The following MYH7B variants were observed in gnomAD, a reference collection of about 807,000 sequenced individuals.
MYH7B encodes myosin heavy chain 7B, also known as myosin-7B.
In MYH7B, 205 loss-of-function variants were observed where a neutral mutation model predicts 234.5. That is an observed-to-expected ratio of 0.87 (90% CI 0.78 to 0.98). The LOEUF is 0.98. Ranked by LOEUF, MYH7B falls within the 50% of genes least tolerant of loss-of-function variation. MYH7B has a pLI of 0.00. For missense variants in MYH7B, 2,652 were observed against 2,633.4 expected, an observed-to-expected ratio of 1.01 and a Z score of -0.15; for synonymous variants, 1,193 against 1,105.0, an observed-to-expected ratio of 1.08 and a Z score of -1.58.
At chr20:34,987,178 G>C (rs772940020) in exon 16 of MYH7B, 1 of 1,613,276 alleles carries the variant, frequency 6.2e-7, no homozygotes, top group Non-Finnish European at 8.5e-7. Context: ...GCTTCAGCGT[G>C]GATGAGAAAT....
chr20:34,995,440 T>C lies in MYH7B; in HGVS notation c.2805T>C (p.Asp935=), dbSNP rs199991074. Residue 935 remains aspartate (D), a synonymous_variant, in exon 28 of 45, where the codon GAT becomes GAC. Transcript: ENST00000262873. ...AGGAGCTGAGTGAGCGGCTGGAGGA[T>C]GAGGAGGAGGTGAACGCTGACCTGG... 3.1e-6 allele frequency: 5 copies of C among 1,613,322 alleles called. No homozygotes were observed. The African/African-American group carries it at 5.3e-5, about 17-fold the overall frequency.
At chr20:34,973,132 A>T (rs1217792053) in intron 2 of MYH7B, among the ~76,000 whole-genome samples, 5 of 152,152 alleles carry the variant, frequency 3.3e-5, no homozygotes, top group African/African-American at 1.2e-4. Context: ...TTCACACTCC[A>T]GTCCCAACTG....
At chr20:34,985,173 G>A in intron 13 of MYH7B, 44 bp downstream of exon 13, 1 of 1,591,776 alleles carries the variant, frequency 6.3e-7, no homozygotes, top group Non-Finnish European at 8.6e-7. Context: ...GGAGGCCTGA[G>A]CCCGGTCACC....
At chr20:34,997,297 C>G (rs1437073420) in exon 32 of MYH7B, 8 of 1,554,302 alleles carry the variant, frequency 5.1e-6, no homozygotes, top group Non-Finnish European at 7.0e-6. Flanking sequence ...GAGCGGGCAG[C>G]CCGGGCCCGC....
At chr20:35,000,735 G>A (rs1180384220) in intron 39 of MYH7B, 33 bp from the exon 40 acceptor site, 1 of 1,606,206 alleles carries the variant, frequency 6.2e-7, no homozygotes, top group African/African-American at 1.3e-5. Context: ...AGGCCTGCTG[G>A]CTGGCTGGCT....
At position 34,987,657 on chromosome 20, in the gene MYH7B, G is replaced by C. The variant is rs757932346; in HGVS notation, c.1248G>C (p.Lys416Asn). The change falls in exon 17 of 45, where the codon AAG (lysine) becomes AAC (asparagine). Residue 416 changes from lysine (K) to asparagine (N), a missense_variant. Physicochemically the swap from Lys to Asn is moderately conservative, Grantham distance 94. This residue lies in a region of MYH7B where 2,279 missense variants were observed against 2,211.4 expected (regional missense o/e 1.03). Transcript: ENST00000262873. The stretch of plus-strand genomic sequence containing the variant: ...GTGTAGGGAACGAGTACGTGACCAA[G>C]GGCCAGAGTGTGGAGCAGGTGAGCT... The C allele has an allele frequency of 2.2e-5, 35 of 1,613,586 alleles. No individual in the cohort carries two copies. The highest frequency in any genetic ancestry group is 1.3e-4 in the Admixed American group (8 of 59,986).
At chr20:34,996,351 G>C (rs1430609936) in exon 29 of MYH7B, 3 of 1,587,018 alleles carry the variant, frequency 1.9e-6, no homozygotes, top group Non-Finnish European at 2.6e-6. Context: ...CACAGGTGAA[G>C]AACCTGACGG....
intron 1 of MYH7B, among the ~76,000 whole-genome samples, chr20:34,957,572 C>T (rs2081653423): frequency 6.8e-6 from 1 of 147,514 alleles, no homozygotes; most frequent in South Asian, 2.1e-4. Context: ...TCACTGCAAC[C>T]TCCACTTCCC....
rs761662255 is a variant in MYH7B at position 34,987,689 on chromosome 20, AG to A, written c.1266+16del. On this transcript the variant is annotated intron_variant, in intron 17 of 44. Transcript: ENST00000262873. ...AGTGTGGAGCAGGTGAGCTGCCTGCAGGCCAAACCCATGGGGGACAGCCGGG... is the reference window on the plus strand; with the variant it reads ...AGTGTGGAGCAGGTGAGCTGCCTGCAGCCAAACCCATGGGGGACAGCCGGG... 3.7e-6 allele frequency: 6 copies of A among 1,611,990 alleles called. No homozygotes were observed. In the East Asian group the frequency reaches 1.3e-4, roughly 36 times the overall value.
At chr20:34,969,217 A>G (rs2081770402) in intron 2 of MYH7B, among the ~76,000 whole-genome samples, 1 of 152,058 alleles carries the variant, frequency 6.6e-6, no homozygotes, top group South Asian at 2.1e-4. Context: ...CTCTCTGAGG[A>G]CCAGCCCTCA....
At chr20:34,996,228 C>A in intron 28 of MYH7B, 118 bp from the exon 29 acceptor site, 1 of 1,216,474 alleles carries the variant, frequency 8.2e-7, no homozygotes, top group South Asian at 1.4e-5. Context: ...GGCTCGGAGT[C>A]AAGTGACTTG....
chr20:34,976,583 G>A (rs190903779), intron 3 of MYH7B, among the ~76,000 whole-genome samples: 59 of 152,334 alleles, frequency 3.9e-4, no homozygotes, highest in African/African-American at 1.3e-3. Flanking sequence ...AGTGGGCCAC[G>A]GGAAGGTGGC....
chr20:34,958,133 T>C (rs1317535672), exon 2 of MYH7B, among the ~76,000 whole-genome samples: 1 of 152,140 alleles, frequency 6.6e-6, no homozygotes, highest in African/African-American at 2.4e-5. Context: ...AAGTGATGAG[T>C]ATCAGGTGTC....
chr20:34,981,259 G>A (rs2081937188), intron 9 of MYH7B, 199 bp downstream of exon 9: 1 of 591,572 alleles, frequency 1.7e-6, no homozygotes, highest in Non-Finnish European at 2.9e-6. Context: ...TGTTCTTGAT[G>A]GGGGATAGGG....
intron 18 of MYH7B, 43 bp from the exon 19 acceptor site, chr20:34,988,049 C>T: frequency 1.3e-6 from 2 of 1,591,054 alleles, no homozygotes; most frequent in African/African-American, 2.7e-5. Context: ...TCCCTTTCCC[C>T]ATCTGCGAGA....
At chr20:34,985,264 C>A in intron 13 of MYH7B, 135 bp downstream of exon 13, 1 of 744,582 alleles carries the variant, frequency 1.3e-6, no homozygotes, top group Admixed American at 2.1e-5. Context: ...TGCTGCCCAG[C>A]TCAGGCCACC....
At chr20:34,969,607 C>T (rs576142240) in intron 2 of MYH7B, among the ~76,000 whole-genome samples, 57 of 148,184 alleles carry the variant, frequency 3.8e-4, no homozygotes, top group South Asian at 3.6e-3. Flanking sequence ...TGCAGTGGCA[C>T]GATCCCGGCT....
chr20:34,971,388 C>G (rs1349047088), intron 2 of MYH7B, among the ~76,000 whole-genome samples: 1 of 152,084 alleles, frequency 6.6e-6, no homozygotes, highest in African/African-American at 2.4e-5. Flanking sequence ...ACAGCTGGTT[C>G]CCCACCCCCT....
chr20:34,986,822 T>C, intron 14 of MYH7B, 64 bp from the exon 15 acceptor site: 4 of 1,356,150 alleles, frequency 2.9e-6, no homozygotes, highest in East Asian at 2.3e-5. Flanking sequence ...TATGCTGCAA[T>C]TGTTGTGGGG....
Sources: allele counts gnomAD v4.1 joint callset (sites outside exome capture counted in the v4.1 genomes callset), GRCh38; gene constraint gnomAD v4.1.1; regional missense constraint gnomAD v4.1.1; transcripts MANE v1.5; gene names NCBI Gene and HGNC (gene_info 2026-07-23, HGNC 2026-07-21).